Variants in PDE4D observed in about 807,000 individuals in gnomAD.
PDE4D encodes 3',5'-cyclic-AMP phosphodiesterase 4D.
PDE4D carries 24 observed loss-of-function variants against 87.4 expected under a neutral mutation model. The observed-to-expected ratio is 0.27, with a 90% confidence interval of 0.20 to 0.39. The LOEUF (loss-of-function observed/expected upper bound fraction) is 0.39, where lower values mean the gene tolerates loss of function less well. Ranked by LOEUF, PDE4D falls within the 10% of genes least tolerant of loss-of-function variation. The probability of loss-of-function intolerance (pLI) is 1.00; values close to 1 mark genes in which losing one functional copy is unlikely to be tolerated. For synonymous variants in PDE4D, 384 were observed against 383.2 expected, an observed-to-expected ratio of 1.00 and a Z score of -0.02; for missense variants, 714 against 1,041.0, an observed-to-expected ratio of 0.69 and a Z score of 4.32.
chr5:60,057,404 AAG>A (rs912564596), intron 2 of PDE4D, among the ~76,000 whole-genome samples: 4 of 152,100 alleles, frequency 2.6e-5, no homozygotes, highest in South Asian at 4.1e-4. Context: ...AAAAAATAAA[AAG>A]AGTAATATCT....
chr5:59,797,134 TAAA>T (rs36051421), intron 1 of PDE4D: 4 of 114,994 alleles, frequency 3.5e-5, no homozygotes, highest in Admixed American at 9.5e-5. Flanking sequence ...ACATTCTCTC[TAAA>T]AAAAAAAAAA....
At chr5:60,382,659 C>T (rs934371430) in intron 1 of PDE4D, among the ~76,000 whole-genome samples, 1 of 152,150 alleles carries the variant, frequency 6.6e-6, no homozygotes, top group Non-Finnish European at 1.5e-5. Flanking sequence ...AGGCAGCCCC[C>T]CAAGTTTATG....
chr5:60,355,227 C>T (rs1759520593), intron 1 of PDE4D, among the ~76,000 whole-genome samples: 1 of 152,186 alleles, frequency 6.6e-6, no homozygotes, highest in South Asian at 2.1e-4. Flanking sequence ...AGGAAGGTCA[C>T]TGTGACCTTT....
intron 1 of PDE4D, among the ~76,000 whole-genome samples, chr5:60,498,633 A>C (rs1170655156): frequency 1.3e-5 from 2 of 152,184 alleles, no homozygotes; most frequent in Non-Finnish European, 2.9e-5. Context: ...TACTCAAGAG[A>C]GTATGATCAA....
At chr5:60,017,688 G>C (rs1444635688) in intron 2 of PDE4D, among the ~76,000 whole-genome samples, 1 of 152,104 alleles carries the variant, frequency 6.6e-6, no homozygotes, top group Non-Finnish European at 1.5e-5. Context: ...TCTTTATGCA[G>C]TCTATCATTG....
At chr5:60,425,183 C>A (rs1367868684) in intron 1 of PDE4D, among the ~76,000 whole-genome samples, 1 of 152,156 alleles carries the variant, frequency 6.6e-6, no homozygotes, top group Non-Finnish European at 1.5e-5. Flanking sequence ...GAAAAAACTA[C>A]TTTAAAGTTC....
At chr5:60,427,326 G>A (rs146159252) in intron 1 of PDE4D, among the ~76,000 whole-genome samples, 15 of 152,274 alleles carry the variant, frequency 9.9e-5, no homozygotes, top group South Asian at 8.3e-4. Flanking sequence ...CACACATTAC[G>A]TACAGTTGAA....
intron 1 of PDE4D, among the ~76,000 whole-genome samples, chr5:59,659,551 G>T (rs1744904346): frequency 6.6e-6 from 1 of 152,230 alleles, no homozygotes; most frequent in African/African-American, 2.4e-5. Flanking sequence ...CATAAGAAGA[G>T]ATTAGGAGTC....
chr5:60,106,984 C>A (rs1777025086), intron 2 of PDE4D, among the ~76,000 whole-genome samples: 3 of 151,690 alleles, frequency 2.0e-5, no homozygotes, highest in Admixed American at 6.6e-5. Flanking sequence ...CAAAAGCTAG[C>A]AGAAGGCAAG....
At chr5:60,329,433 G>A (rs1583438674) in intron 1 of PDE4D, among the ~76,000 whole-genome samples, 2 of 152,254 alleles carry the variant, frequency 1.3e-5, no homozygotes, top group Middle Eastern at 6.8e-3. Flanking sequence ...CAGACCTTCA[G>A]AACTGTGAGT....
At chr5:59,693,445 G>A (rs1751288506) in intron 1 of PDE4D, among the ~76,000 whole-genome samples, 2 of 152,130 alleles carry the variant, frequency 1.3e-5, no homozygotes, top group Non-Finnish European at 2.9e-5. Flanking sequence ...AAAGAAGGAA[G>A]GCTGATAAAG....
intron 1 of PDE4D, among the ~76,000 whole-genome samples, chr5:59,778,255 C>A (rs1163039877): frequency 6.6e-6 from 1 of 152,132 alleles, no homozygotes; most frequent in African/African-American, 2.4e-5. Context: ...CACTATTGAC[C>A]TATTATCTAA....
chr5:59,213,683 C>A (rs1056826267), intron 2 of PDE4D, among the ~76,000 whole-genome samples: 2 of 152,082 alleles, frequency 1.3e-5, no homozygotes, highest in African/African-American at 4.8e-5. Flanking sequence ...ACTTTCAATT[C>A]ACTCCTTAAC....
In PDE4D at chr5:60,141,616, G is replaced by A. The variant is rs183215370; in HGVS notation, c.42+43941C>T. ...TGCTTACCCCCTTTACTCTCTGGAC[G>A]TGCTTCACCTGATCCTGGTCACCCT... is the stretch of plus-strand genomic sequence containing the variant. On this transcript the variant is annotated intron_variant, in intron 2 of 16. Transcript: ENST00000502484. 8.0e-4 allele frequency among the ~76,000 whole-genome samples: 121 copies of A among 152,170 alleles called. 1 individual carries two copies. The highest frequency in any genetic ancestry group is 2.6e-3 in the African/African-American group (110 of 41,528).
intron 1 of PDE4D, among the ~76,000 whole-genome samples, chr5:59,246,948 T>C (rs1202621318): frequency 1.3e-5 from 2 of 152,214 alleles, no homozygotes; most frequent in Non-Finnish European, 2.9e-5. Context: ...TACACACTTT[T>C]ATAGAATGAG....
chr5:59,415,020 A>G (rs1408209484), intron 1 of PDE4D, among the ~76,000 whole-genome samples: 2 of 152,222 alleles, frequency 1.3e-5, no homozygotes, highest in Non-Finnish European at 2.9e-5. Context: ...TCCAGAGGGC[A>G]TAATGTGGAG....
intron 1 of PDE4D, among the ~76,000 whole-genome samples, chr5:59,873,946 C>T (rs1748180178): frequency 6.6e-6 from 1 of 152,164 alleles, no homozygotes; most frequent in African/African-American, 2.4e-5. Flanking sequence ...CATGGTGGCT[C>T]ACACCTGTAA....
intron 1 of PDE4D, among the ~76,000 whole-genome samples, chr5:60,435,049 T>A (rs1301085139): frequency 1.3e-5 from 2 of 152,136 alleles, no homozygotes; most frequent in African/African-American, 4.8e-5. Context: ...AATTATGAGA[T>A]GTGTTTGCCA....
chr5:59,130,954 T>C (rs191144692), intron 5 of PDE4D, among the ~76,000 whole-genome samples: 1 of 152,332 alleles, frequency 6.6e-6, no homozygotes, highest in East Asian at 1.9e-4. Context: ...TTTAAAACCA[T>C]CCATTCATTA....
Sources: allele counts gnomAD v4.1 joint callset (sites outside exome capture counted in the v4.1 genomes callset), GRCh38; gene constraint gnomAD v4.1.1; transcripts MANE v1.5; gene names NCBI Gene and HGNC (gene_info 2026-07-23, HGNC 2026-07-21).